Variants in TOGARAM1 observed in about 807,000 individuals in gnomAD.
TOGARAM1 encodes the protein TOG array regulator of axonemal microtubules protein 1.
TOGARAM1 carries 100 observed loss-of-function variants against 166.6 expected under a neutral mutation model. The ratio of observed to expected loss-of-function variants is 0.60; its 90% confidence interval spans 0.51 to 0.71. The LOEUF (loss-of-function observed/expected upper bound fraction) is 0.71. Among genes scored for constraint, TOGARAM1 ranks in the 30% least tolerant of loss-of-function variants. The probability of loss-of-function intolerance (pLI) is 0.00; values close to 1 mark genes in which losing one functional copy is unlikely to be tolerated. For synonymous variants in TOGARAM1, 758 were observed against 763.8 expected (o/e 0.99, Z 0.13); for missense variants, 2,029 against 2,102.7 (o/e 0.96, Z 0.69).
At chr14:45,051,135 T>C (rs1369393030) in intron 14 of TOGARAM1, among the ~76,000 whole-genome samples, 2 of 152,248 alleles carry the variant, frequency 1.3e-5, no homozygotes, top group African/African-American at 4.8e-5. Flanking sequence ...AAGATGATTA[T>C]TTTATAATTC....
At chr14:45,037,794 GAGGC>G (rs1253417501) in intron 11 of TOGARAM1, among the ~76,000 whole-genome samples, 2 of 151,784 alleles carry the variant, frequency 1.3e-5, no homozygotes, top group Non-Finnish European at 2.9e-5. Context: ...TTGGGAGGCT[GAGGC>G]GGGCGGATCA....
At chr14:44,980,377 A>G (rs1886463424) in intron 1 of TOGARAM1, among the ~76,000 whole-genome samples, 1 of 152,220 alleles carries the variant, frequency 6.6e-6, no homozygotes, top group Admixed American at 6.5e-5. Context: ...TTTAAATGTA[A>G]TAGTGGCAGG....
intron 1 of TOGARAM1, among the ~76,000 whole-genome samples, chr14:44,964,930 A>G (rs1182691385): frequency 6.7e-6 from 1 of 150,124 alleles, no homozygotes; most frequent in East Asian, 2.0e-4. Flanking sequence ...GAAGACAGAA[A>G]AACTAATTCC....
At chr14:44,971,984 G>T (rs747643180) in intron 1 of TOGARAM1, among the ~76,000 whole-genome samples, 2 of 152,154 alleles carry the variant, frequency 1.3e-5, no homozygotes, top group Non-Finnish European at 2.9e-5. Context: ...GAAGAGGAAG[G>T]AGTCACGTCT....
intron 1 of TOGARAM1, among the ~76,000 whole-genome samples, chr14:44,985,604 A>C (rs1204029821): frequency 1.3e-5 from 2 of 152,190 alleles, no homozygotes; most frequent in Non-Finnish European, 2.9e-5. Context: ...CGCTGATCTG[A>C]CAGGAGGCAG....
chr14:45,044,870 G>A lies in TOGARAM1; in HGVS notation c.4154G>A (p.Ser1385Asn). The stretch of plus-strand genomic sequence containing the variant: ...GTTTCTCTTATCAATGGTGGACAAA[G>A]GTAATGTTCAAAATAACCTTGAAAT... ...AVVSLINGGQ[S>N]HLHIAVRRCT... The change falls in exon 13 of 20, where the codon AGC (serine) becomes AAC (asparagine). Residue 1385 changes from serine to asparagine, a missense_variant and splice_region_variant. This residue lies in a region of TOGARAM1 where 576 missense variants were observed against 670.5 expected (regional missense o/e 0.86). Coordinates refer to ENST00000361462, the MANE Select transcript of TOGARAM1 (RefSeq NM_001308120.2). 1 of 1,599,378 alleles carries A rather than the reference G, an allele frequency of 6.3e-7. No individual in the cohort carries two copies. The highest frequency in any genetic ancestry group is 8.5e-7 in the Non-Finnish European group (1 of 1,170,966).
intron 1 of TOGARAM1, among the ~76,000 whole-genome samples, chr14:44,987,149 G>A (rs939940177): frequency 1.8e-4 from 28 of 151,712 alleles, no homozygotes; most frequent in African/African-American, 5.3e-4. Context: ...TCACCATGTT[G>A]GCCAGGATGG....
intron 7 of TOGARAM1, among the ~76,000 whole-genome samples, chr14:45,021,030 T>C (rs903202364): frequency 1.2e-4 from 18 of 151,424 alleles, no homozygotes; most frequent in African/African-American, 4.4e-4. Context: ...GTATGGAGGG[T>C]TTCATGTAGT....
intron 7 of TOGARAM1, among the ~76,000 whole-genome samples, chr14:45,012,855 C>T (rs1333559378): frequency 6.6e-6 from 1 of 152,328 alleles, no homozygotes; most frequent in East Asian, 1.9e-4. Flanking sequence ...CTCAACCCCT[C>T]TTTGTAATCC....
chr14:45,037,700 T>G (rs1881502398), intron 11 of TOGARAM1, among the ~76,000 whole-genome samples: 1 of 152,070 alleles, frequency 6.6e-6, no homozygotes, highest in Admixed American at 6.6e-5. Context: ...TCAATAATCC[T>G]CTCTCATTAA....
intron 1 of TOGARAM1, among the ~76,000 whole-genome samples, chr14:44,989,471 A>G (rs747082705): frequency 3.3e-5 from 5 of 152,092 alleles, no homozygotes; most frequent in Non-Finnish European, 5.9e-5. Flanking sequence ...AGTGACAGGT[A>G]GGGTCCATAA....
At position 45,068,470 on chromosome 14, in the gene TOGARAM1, T is replaced by A; in HGVS notation, c.4796T>A (p.Val1599Glu). 1 of 1,612,972 alleles carries A rather than the reference T, an allele frequency of 6.2e-7. No homozygotes were observed. The highest frequency in any genetic ancestry group is 8.5e-7 in the Non-Finnish European group (1 of 1,179,456). ...CGACTTCATGATTCTAATAGTAAAG[T>A]AAATCTGGTGGCTCTGGAAACAATG... ...KSRLHDSNSK[V>E]NLVALETMHK... The change falls in exon 18 of 20, where the codon GTA (valine) becomes GAA (glutamate). Residue 1599 changes from valine to glutamate, a missense_variant. Val to Glu is a moderately radical substitution (Grantham distance 121). This residue lies in a region of TOGARAM1 where 576 missense variants were observed against 670.5 expected (regional missense o/e 0.86). Coordinates refer to ENST00000361462, the MANE Select transcript of TOGARAM1 (RefSeq NM_001308120.2).
intron 8 of TOGARAM1, among the ~76,000 whole-genome samples, chr14:45,026,729 T>C (rs1880864578): frequency 6.6e-6 from 1 of 151,870 alleles, no homozygotes; most frequent in Non-Finnish European, 1.5e-5. Flanking sequence ...CCAGGTGCAG[T>C]GGCTCACTCC....
At chr14:45,023,809 C>G (rs187729665) in intron 7 of TOGARAM1, among the ~76,000 whole-genome samples, 1 of 152,034 alleles carries the variant, frequency 6.6e-6, no homozygotes, top group East Asian at 1.9e-4. Context: ...GGTGCAATCT[C>G]GGCTGACTGC....
In TOGARAM1 at chr14:45,063,565, T is replaced by C. The variant is rs531478281; in HGVS notation, c.4560-3013T>C. 2.0e-5 allele frequency among the ~76,000 whole-genome samples: 3 copies of C among 147,258 alleles called. No homozygotes were observed. In the South Asian group the frequency reaches 6.5e-4, roughly 32 times the overall value. On this transcript the variant is annotated intron_variant, in intron 16 of 19. Coordinates refer to ENST00000361462, the MANE Select transcript of TOGARAM1 (RefSeq NM_001308120.2). ...AGTGGCGTGATCTCACTGCAACCTC[T>C]GCCTCCCAGGTTCAAGCAGTTCTCC...
chr14:45,025,635 T>C, intron 7 of TOGARAM1, 148 bp from the exon 8 acceptor site: 1 of 539,350 alleles, frequency 1.9e-6, no homozygotes. Flanking sequence ...CAAACATTTA[T>C]AATGACTTAA....
intron 1 of TOGARAM1, among the ~76,000 whole-genome samples, chr14:44,972,205 A>G (rs1461227179): frequency 1.3e-5 from 2 of 152,088 alleles, no homozygotes; most frequent in African/African-American, 2.4e-5. Flanking sequence ...CCATATCACC[A>G]TCTTAATTTG....
At chr14:45,026,946 T>G (rs1263480377) in intron 8 of TOGARAM1, among the ~76,000 whole-genome samples, 1 of 151,982 alleles carries the variant, frequency 6.6e-6, no homozygotes. Context: ...AGGTGGAGGT[T>G]GCAATGAGCC....
chr14:44,983,406 C>A (rs1886630662), intron 1 of TOGARAM1, among the ~76,000 whole-genome samples: 1 of 152,126 alleles, frequency 6.6e-6, no homozygotes, highest in Admixed American at 6.5e-5. Context: ...CAGTGTTTAT[C>A]AAATTTTAAT....
Sources: gnomAD v4.1 joint callset for allele counts (sites outside exome capture counted in the v4.1 genomes callset) on GRCh38, gnomAD v4.1.1 for gene constraint, gnomAD v4.1.1 regional missense constraint, MANE v1.5 for transcripts, NCBI Gene and HGNC (gene_info 2026-07-23, HGNC 2026-07-21) for gene names.